Variants in CELF2 observed in about 807,000 individuals in gnomAD.
The protein encoded by CELF2 is CUGBP Elav-like family member 2, also known as CUG triplet repeat RNA-binding protein 2.
Under a neutral mutation model 62.6 loss-of-function variants are expected in CELF2, and 8 were observed. That is an observed-to-expected ratio of 0.13 (90% CI 0.07 to 0.23). The LOEUF is 0.23. CELF2 is among the 10% of genes least tolerant of loss of function. The probability of loss-of-function intolerance (pLI) is 1.00; values close to 1 mark genes in which losing one functional copy is unlikely to be tolerated. For synonymous variants in CELF2, 258 were observed against 250.0 expected (o/e 1.03, Z -0.30); for missense variants, 333 against 671.0 (o/e 0.50, Z 5.56).
rs748980186 is a variant in CELF2, at chr10:11,247,091, C to T, written c.355-2062C>T. Among the ~76,000 whole-genome samples, 64 of 152,260 alleles carry T rather than the reference C, an allele frequency of 4.2e-4. No homozygotes were observed. The highest frequency in any genetic ancestry group is 5.0e-4 in the Non-Finnish European group (34 of 68,036). The stretch of plus-strand genomic sequence containing the variant: ...GTTCCCTGGCCTGCGGCAGCAGCCT[C>T]TTAACTGTCCTCCCTGCCTGTGTCT... On this transcript the variant is annotated intron_variant, in intron 3 of 12. Transcript: ENST00000633077. The surrounding 1 kb of genome is among the most constrained non-coding windows in gnomAD (Gnocchi z 5.4).
chr10:11,146,860 G>C (rs912299056), intron 1 of CELF2, among the ~76,000 whole-genome samples: 1 of 152,188 alleles, frequency 6.6e-6, no homozygotes, highest in Non-Finnish European at 1.5e-5. Context: ...CTGATAGCAC[G>C]GGTGAAAAGT....
intron 1 of CELF2, among the ~76,000 whole-genome samples, chr10:11,095,191 C>T (rs1161440836): frequency 1.2e-4 from 18 of 152,166 alleles, no homozygotes. Context: ...GAAGTTTCTT[C>T]CTATGATTGT....
chr10:11,191,915 T>C lies in CELF2; in HGVS notation c.272-25510T>C, dbSNP rs941493960. On this transcript the variant is annotated intron_variant, in intron 2 of 12. Coordinates refer to ENST00000633077, the MANE Select transcript of CELF2 (RefSeq NM_001326342.2). This position sits in a 1 kb window ranked among gnomAD's most constrained non-coding sequence, Gnocchi z 4.1. Reference sequence around the variant, plus strand: ...TCCCATGCAGAGGCCCCGCCCTGTGTCCACTCTACTTCTTAGGAACCTGGC... The same window carrying C: ...TCCCATGCAGAGGCCCCGCCCTGTGCCCACTCTACTTCTTAGGAACCTGGC... 1.3e-5 allele frequency among the ~76,000 whole-genome samples: 2 copies of C among 152,188 alleles called. No homozygotes were observed. Among genetic ancestry groups the C allele is most frequent in the African/African-American group, 4.8e-5 (2 of 41,438 alleles).
upstream of CELF2, chr10:10,794,836 C>T (rs189534658): frequency 9.2e-5 from 14 of 152,254 alleles, no homozygotes; most frequent in Non-Finnish European, 1.9e-4. Context: ...CATGAAAGCC[C>T]ACCTGGAATG....
At chr10:11,273,744 CAG>C (rs1371061083) in intron 7 of CELF2, among the ~76,000 whole-genome samples, 3 of 149,780 alleles carry the variant, frequency 2.0e-5, no homozygotes, top group Admixed American at 6.7e-5. Flanking sequence ...TTTTTTGAGA[CAG>C]AGTCTTGCTC....
chr10:10,877,498 C>A (rs1246153655), intron 1 of CELF2, among the ~76,000 whole-genome samples: 1 of 152,184 alleles, frequency 6.6e-6, no homozygotes, highest in Non-Finnish European at 1.5e-5. Context: ...ACTAGCCTCT[C>A]CAAAGGAGAA....
chr10:10,470,756 A>G, the CELF2 span, among the ~76,000 whole-genome samples: 7 of 151,022 alleles, frequency 4.6e-5, no homozygotes, highest in Admixed American at 4.7e-4. Flanking sequence ...CTCAAAGTCC[A>G]TGCCACTAAT....
chr10:11,044,073 T>C (rs1593886120), intron 1 of CELF2, among the ~76,000 whole-genome samples: 2 of 152,210 alleles, frequency 1.3e-5, no homozygotes, highest in South Asian at 4.1e-4. Context: ...CGTCTTCACT[T>C]CTTCTAAGAA....
intron 2 of CELF2, among the ~76,000 whole-genome samples, chr10:10,950,773 A>G (rs2048231251): frequency 6.6e-6 from 1 of 152,250 alleles, no homozygotes; most frequent in East Asian, 1.9e-4. Flanking sequence ...TAAAGTGTCT[A>G]AGACAGAAGA....
chr10:10,533,114 A>T, the CELF2 span, among the ~76,000 whole-genome samples: 1 of 152,350 alleles, frequency 6.6e-6, no homozygotes, highest in Admixed American at 6.5e-5. Flanking sequence ...CAAAACCATG[A>T]CAACTTACCA....
At chr10:11,124,511 C>T (rs531753305) in intron 1 of CELF2, among the ~76,000 whole-genome samples, 2 of 152,294 alleles carry the variant, frequency 1.3e-5, no homozygotes, top group African/African-American at 2.4e-5. Context: ...CTAAAACAGA[C>T]TGATTCAGCT....
chr10:10,875,704 A>AT (rs35821094), intron 1 of CELF2, among the ~76,000 whole-genome samples: 56 of 151,288 alleles, frequency 3.7e-4, no homozygotes, highest in African/African-American at 1.1e-3. Flanking sequence ...AAGAATCTGC[A>AT]TTTTTTTTTC....
chr10:11,251,218 GC>G (rs1020475987), intron 4 of CELF2, among the ~76,000 whole-genome samples: 39 of 143,390 alleles, frequency 2.7e-4, no homozygotes, highest in African/African-American at 9.0e-4. Flanking sequence ...TGACAAATTA[GC>G]CAAATTGAAA....
chr10:10,940,367 ATCCCTGCTAAG>A (rs1260428869), intron 2 of CELF2, among the ~76,000 whole-genome samples: 1 of 152,192 alleles, frequency 6.6e-6, no homozygotes, highest in Non-Finnish European at 1.5e-5. Flanking sequence ...ACTGTAGATA[ATCCCTGCTAAG>A]TCCCACAAAA....
chr10:10,712,129 A>T, the CELF2 span, among the ~76,000 whole-genome samples: 1 of 143,034 alleles, frequency 7.0e-6, no homozygotes, highest in East Asian at 2.1e-4. Context: ...AGTCCCTTGG[A>T]AATTGGTAGG....
intron 1 of CELF2, among the ~76,000 whole-genome samples, chr10:10,843,466 C>T (rs900572554): frequency 2.0e-5 from 3 of 151,918 alleles, no homozygotes; most frequent in African/African-American, 7.2e-5. Context: ...TGCTGCATGT[C>T]GCAAATTTTT....
At chr10:11,241,612 A>T (rs1565497921) in intron 3 of CELF2, among the ~76,000 whole-genome samples, 1 of 152,052 alleles carries the variant, frequency 6.6e-6, no homozygotes, top group African/African-American at 2.4e-5. Flanking sequence ...TTTTGTTTTT[A>T]TTTTTTTAAT....
chr10:11,041,925 A>G (rs1168219241), intron 1 of CELF2, among the ~76,000 whole-genome samples: 1 of 152,252 alleles, frequency 6.6e-6, no homozygotes, highest in Non-Finnish European at 1.5e-5. Context: ...TACTGTGATT[A>G]GTTCCATTGT....
intron 1 of CELF2, chr10:11,030,878 G>A (rs947251260): frequency 1.3e-5 from 2 of 152,210 alleles, no homozygotes; most frequent in Non-Finnish European, 2.9e-5. Context: ...GTCAGTGGAT[G>A]GGGACACCCA....
Sources: gnomAD v4.1 joint callset for allele counts (sites outside exome capture counted in the v4.1 genomes callset) on GRCh38, gnomAD v4.1.1 for gene constraint, Gnocchi (gnomAD v3.1) non-coding constraint, MANE v1.5 for transcripts, NCBI Gene and HGNC (gene_info 2026-07-23, HGNC 2026-07-21) for gene names.